The following KLKB1 variants were observed in gnomAD, a reference collection of about 807,000 sequenced individuals.
The protein encoded by KLKB1 is kallikrein B1.
In KLKB1, 58 loss-of-function variants were observed where a neutral mutation model predicts 73.6. That is an observed-to-expected ratio of 0.79 (90% CI 0.64 to 0.98). The LOEUF is 0.98. Ranked by LOEUF, KLKB1 falls within the 50% of genes least tolerant of loss-of-function variation. The pLI is 0.00. For missense variants in KLKB1, 737 were observed against 763.8 expected, an observed-to-expected ratio of 0.96 and a Z score of 0.41; for synonymous variants, 280 against 258.1, an observed-to-expected ratio of 1.08 and a Z score of -0.81.
At chr4:186,248,721 C>T (rs949455467) in intron 6 of KLKB1, among the ~76,000 whole-genome samples, 1 of 150,160 alleles carries the variant, frequency 6.7e-6, no homozygotes, top group Non-Finnish European at 1.5e-5. Context: ...CACAGAGTAA[C>T]TCCATGTTTA....
intron 6 of KLKB1, among the ~76,000 whole-genome samples, chr4:186,242,450 T>G (rs1360186174): frequency 6.6e-6 from 1 of 151,912 alleles, no homozygotes; most frequent in African/African-American, 2.4e-5. Context: ...TCGAGCGGGA[T>G]TAGGGGCGGC....
At chr4:186,226,978 G>T (rs1374548488), upstream of KLKB1, among the ~76,000 whole-genome samples, 1 of 152,154 alleles carries the variant, frequency 6.6e-6, no homozygotes, top group Non-Finnish European at 1.5e-5. Flanking sequence ...GTGAGCATGG[G>T]GCTGAGGCCA....
At chr4:186,237,137 C>G (rs1026478608) in intron 5 of KLKB1, among the ~76,000 whole-genome samples, 197 bp downstream of exon 5, 1 of 152,064 alleles carries the variant, frequency 6.6e-6, no homozygotes, top group East Asian at 1.9e-4. Context: ...CGCGCTCTGT[C>G]GCCCAGGCTA....
intron 2 of KLKB1, among the ~76,000 whole-genome samples, chr4:186,218,416 C>T (rs141429053): frequency 6.6e-6 from 1 of 152,234 alleles, no homozygotes; most frequent in East Asian, 1.9e-4. Context: ...ATGTTATAAG[C>T]ATTTTTTAAA....
intron 4 of KLKB1, among the ~76,000 whole-genome samples, chr4:186,235,998 C>A (rs1737655124): frequency 6.6e-6 from 1 of 151,512 alleles, no homozygotes; most frequent in African/African-American, 2.4e-5. Flanking sequence ...CCTGTAGTCC[C>A]AGCTACTCGG....
chr4:186,236,975 G>C (rs1292353346), intron 5 of KLKB1, 35 bp downstream of exon 5: 1 of 1,606,838 alleles, frequency 6.2e-7, no homozygotes, highest in Non-Finnish European at 8.5e-7. Flanking sequence ...TCTTTGTATT[G>C]GTGCCTCCAG....
At chr4:186,223,399 G>A (rs1737071970), upstream of KLKB1, among the ~76,000 whole-genome samples, 1 of 152,186 alleles carries the variant, frequency 6.6e-6, no homozygotes, top group Admixed American at 6.5e-5. Flanking sequence ...CTTGTTGAAT[G>A]GTTTTGACCA....
At chr4:186,213,320 G>GA (rs1297977942) in intron 2 of KLKB1, 3 of 152,174 alleles carry the variant, frequency 2.0e-5, no homozygotes, top group Non-Finnish European at 4.4e-5. Flanking sequence ...CGTGTCTCAA[G>GA]AAAAATAAAT....
Position 186,250,333 on chromosome 4 carries a change from T to A in KLKB1, c.689T>A (p.Ile230Asn), listed in dbSNP as rs142420360. 4.9e-4 allele frequency: 784 copies of A among 1,614,060 alleles called. No individual in the cohort carries two copies. The highest frequency in any genetic ancestry group is 6.4e-4 in the Non-Finnish European group (750 of 1,180,008). The change falls in exon 7 of 15, where the codon ATC becomes AAC. Residue 230 changes from isoleucine to asparagine, a missense_variant. Coordinates refer to ENST00000264690, the MANE Select transcript of KLKB1 (RefSeq NM_000892.5). ...CCAGATGCTTTTGTGTGTCGGACCA[T>A]CTGCACCTATCACCCCAACTGCCTC... The part of the protein sequence containing the change: ...LTPDAFVCRT[I>N]CTYHPNCLFF...
At chr4:186,257,993 A>C in intron 14 of KLKB1, 28 bp from the exon 15 acceptor site, 1 of 1,605,604 alleles carries the variant, frequency 6.2e-7, no homozygotes, top group Non-Finnish European at 8.5e-7. Context: ...GTAACTTTCT[A>C]CTATTTTATT....
In KLKB1 at chr4:186,251,236, A is replaced by G. The variant is rs1738656132; in HGVS notation, c.776A>G (p.Lys259Arg). The change falls in exon 8 of 15, where the codon AAA becomes AGA. Residue 259 changes from lysine (K) to arginine (R), a missense_variant. Transcript: ENST00000264690. ...AAAAATAGAAATGTTTGTCTTCTTA[A>G]AACATCTGAAAGTGGCACACCAAGT... ...IESQRNVCLL[K>R]TSESGTPSSS... is the part of the protein sequence containing the mutation. The G allele has an allele frequency of 6.2e-7, 1 of 1,606,926 alleles. No individual in the cohort carries two copies. The highest frequency in any genetic ancestry group is 2.2e-5 in the East Asian group (1 of 44,788).
intron 6 of KLKB1, among the ~76,000 whole-genome samples, chr4:186,242,931 A>T (rs767157269): frequency 1.5e-5 from 2 of 131,236 alleles, no homozygotes; most frequent in Non-Finnish European, 3.4e-5. Flanking sequence ...CCGGTCTGTT[A>T]TCGGATTGTA....
In KLKB1 at chr4:186,232,420, CA is replaced by C. The variant is rs1737444961; in HGVS notation, c.221+133del. The C allele has an allele frequency of 4.9e-6, 4 of 820,674 alleles. No homozygotes were observed. In the South Asian group the frequency reaches 6.3e-5, roughly 13 times the overall value. The allele number at this position is 820,674 out of a possible 1,614,324, so 50.8% of individuals were successfully genotyped here. On this transcript the variant is annotated intron_variant, in intron 3 of 14. Transcript: ENST00000264690. ...AGGACCAGCTTCAGCAAAATCCCGT[CA>C]AGTGGTTCTTACAAATGCAGATTCC...
chr4:186,236,384 A>G (rs1041650924), intron 4 of KLKB1, among the ~76,000 whole-genome samples: 1 of 152,242 alleles, frequency 6.6e-6, no homozygotes, highest in Non-Finnish European at 1.5e-5. Context: ...CTTTCATTCA[A>G]TGCGAAAGGT....
intron 2 of KLKB1, among the ~76,000 whole-genome samples, chr4:186,214,441 C>T (rs546249669): frequency 3.2e-4 from 48 of 152,326 alleles, no homozygotes; most frequent in African/African-American, 1.2e-3. Context: ...TGGATATGAT[C>T]TTAGGTCTTC....
Position 186,258,338 on chromosome 4 carries a change from G to T in KLKB1, c.*126G>T. 3 of 837,618 alleles carry T rather than the reference G, an allele frequency of 3.6e-6. No homozygotes were observed. The highest frequency in any genetic ancestry group is 6.0e-6 in the Non-Finnish European group (3 of 499,786). 51.9% of individuals were successfully genotyped at this position (837,618 alleles called of 1,614,324 possible). A position where few individuals can be genotyped will look rare whatever the true frequency, so the allele number is the denominator to read the frequency against. ...TTGCATCCTAAGGACGAAAAACACA[G>T]TGCACTCAGAGCTGCTGAGGACAAT... is the stretch of plus-strand genomic sequence containing the variant. On this transcript the variant is annotated 3_prime_UTR_variant, in exon 15 of 15. Transcript: ENST00000264690.
intron 4 of KLKB1, among the ~76,000 whole-genome samples, chr4:186,235,975 G>T (rs993929323): frequency 1.3e-5 from 2 of 151,900 alleles, no homozygotes; most frequent in African/African-American, 2.4e-5. Context: ...TTAGCCGGGC[G>T]TGGTGGCGCG....
At chr4:186,214,467 T>C (rs2126608746) in intron 2 of KLKB1, among the ~76,000 whole-genome samples, 1 of 152,352 alleles carries the variant, frequency 6.6e-6, no homozygotes, top group South Asian at 2.1e-4. Context: ...ATTTTCTTTG[T>C]GCTGTTCAAT....
At chr4:186,212,874 GA>G (rs1202254770) in intron 2 of KLKB1, 2 of 152,122 alleles carry the variant, frequency 1.3e-5, no homozygotes, top group African/African-American at 2.4e-5. Flanking sequence ...GCCCTAAGTT[GA>G]TGAAGAAAAA....
Sources: gnomAD v4.1 joint callset for allele counts (sites outside exome capture counted in the v4.1 genomes callset) on GRCh38, gnomAD v4.1.1 for gene constraint, MANE v1.5 for transcripts, NCBI Gene and HGNC (gene_info 2026-07-23, HGNC 2026-07-21) for gene names.